The following ZNF532 variants were observed in gnomAD, a reference collection of about 807,000 sequenced individuals.
ZNF532 encodes zinc finger protein 532.
In ZNF532, 22 loss-of-function variants were observed where a neutral mutation model predicts 89.3. The ratio of observed to expected loss-of-function variants is 0.25; its 90% CI spans 0.18 to 0.35. The LOEUF (loss-of-function observed/expected upper bound fraction) is 0.35. Ranked by LOEUF, ZNF532 falls within the 10% of genes least tolerant of loss-of-function variation. The pLI, the probability that ZNF532 is intolerant of heterozygous loss-of-function variation, is 1.00. For synonymous variants in ZNF532, 606 were observed against 649.6 expected (o/e 0.93, Z 1.02); for missense variants, 1,132 against 1,643.4 (o/e 0.69, Z 5.38).
intron 2 of ZNF532, among the ~76,000 whole-genome samples, chr18:58,895,714 T>C (rs905374816): frequency 7.2e-5 from 11 of 152,062 alleles, no homozygotes; most frequent in Non-Finnish European, 1.3e-4. Flanking sequence ...AAATCGGGGC[T>C]CCCCACCCCT....
chr18:58,866,340 G>C (rs1220589241), intron 2 of ZNF532, among the ~76,000 whole-genome samples: 1 of 152,228 alleles, frequency 6.6e-6, no homozygotes, highest in African/African-American at 2.4e-5. Context: ...GAGAGGAGAG[G>C]AGAGAAGGAA....
At chr18:58,876,312 C>T (rs1480330785) in intron 2 of ZNF532, among the ~76,000 whole-genome samples, 2 of 152,134 alleles carry the variant, frequency 1.3e-5, no homozygotes, top group Non-Finnish European at 2.9e-5. Flanking sequence ...TCTAAGTAGC[C>T]TCCTGGTGCC....
intron 6 of ZNF532, among the ~76,000 whole-genome samples, chr18:58,949,409 A>G (rs2063950277): frequency 1.3e-5 from 2 of 152,214 alleles, no homozygotes; most frequent in South Asian, 4.1e-4. Flanking sequence ...TTAAAAATAC[A>G]TTATACAGGC....
Position 58,985,562 on chromosome 18 carries a change from C to A in ZNF532, c.*1096C>A, listed in dbSNP as rs1236904959. On this transcript the variant is annotated 3_prime_UTR_variant, in exon 10 of 10. Coordinates refer to ENST00000591808, the MANE Select transcript of ZNF532 (RefSeq NM_001375912.1). ...GCCTGTGTATTGCAATTGGCCGTTA[C>A]CTTAAGCACTGAGCCACCCGGGTTT... The A allele has an allele frequency of 6.6e-6, 1 of 152,542 alleles. No individual in the cohort carries two copies. Among genetic ancestry groups the A allele is most frequent in the Admixed American group, 6.5e-5 (1 of 15,272 alleles). 9.4% of individuals were successfully genotyped at this position (152,542 alleles called of 1,614,324 possible).
At chr18:58,967,191 G>T (rs972061084) in intron 7 of ZNF532, among the ~76,000 whole-genome samples, 1 of 152,102 alleles carries the variant, frequency 6.6e-6, no homozygotes, top group Non-Finnish European at 1.5e-5. Context: ...CCCAGTGGAG[G>T]GTCCCCAACA....
rs3193306 is a variant in ZNF532, at chr18:58,985,855, A to G, written c.*1389A>G. On this transcript the variant is annotated 3_prime_UTR_variant, in exon 10 of 10. Coordinates refer to ENST00000591808, the MANE Select transcript of ZNF532 (RefSeq NM_001375912.1). ...TACTGTAGTCAATGTTCGGTTCCTCAAAAGGTCTTGCTGCTGTCAGGTGTT... is the reference window on the plus strand; with the variant it reads ...TACTGTAGTCAATGTTCGGTTCCTCGAAAGGTCTTGCTGCTGTCAGGTGTT... 5.3e-5 allele frequency: 8 copies of G among 150,708 alleles called. No individual in the cohort carries two copies. Among genetic ancestry groups the G allele is most frequent in the African/African-American group, 2.0e-4 (8 of 40,774 alleles). The allele number at this position is 150,708 out of a possible 1,614,324, so 9.3% of individuals were successfully genotyped here. A position where few individuals can be genotyped will look rare whatever the true frequency, so the allele number is the denominator to read the frequency against.
At chr18:58,875,336 A>G (rs1194725173) in intron 2 of ZNF532, among the ~76,000 whole-genome samples, 2 of 152,250 alleles carry the variant, frequency 1.3e-5, no homozygotes, top group East Asian at 3.9e-4. Flanking sequence ...TTAAAATATG[A>G]CTGCTAGAAA....
chr18:58,953,890 A>T (rs963332309), intron 7 of ZNF532, 91 bp downstream of exon 7: 1 of 1,506,780 alleles, frequency 6.6e-7, no homozygotes, highest in Admixed American at 2.3e-5. Context: ...GCTTGGCTCT[A>T]TCAGTAATTA....
At chr18:58,953,840 A>C (rs760403131) in intron 7 of ZNF532, 41 bp downstream of exon 7, 2 of 1,575,188 alleles carry the variant, frequency 1.3e-6, no homozygotes, top group African/African-American at 2.7e-5. Context: ...AGTGCAAGAG[A>C]GGGCACTGGA....
rs2147121705 is a variant in ZNF532 at position 58,957,462 on chromosome 18, T to G, written c.3150+3663T>G. 1.3e-5 allele frequency among the ~76,000 whole-genome samples: 2 copies of G among 149,218 alleles called. 1 individual carries two copies. Among genetic ancestry groups the G allele is most frequent in the South Asian group, 4.3e-4 (2 of 4,678 alleles). On this transcript the variant is annotated intron_variant, in intron 7 of 9. Coordinates refer to ENST00000591808, the MANE Select transcript of ZNF532 (RefSeq NM_001375912.1). ...AAATAAAATAACTTGGGGAATAATCTAAACGTATTCTGCCAACCACAGTAC... is the reference window on the plus strand; with the variant it reads ...AAATAAAATAACTTGGGGAATAATCGAAACGTATTCTGCCAACCACAGTAC...
At chr18:58,968,418 C>G (rs1352968659) in intron 7 of ZNF532, among the ~76,000 whole-genome samples, 3 of 152,240 alleles carry the variant, frequency 2.0e-5, no homozygotes, top group Non-Finnish European at 4.4e-5. Flanking sequence ...AGTCTAGCTC[C>G]TTACCCCTCT....
chr18:58,909,025 C>T (rs1336624365), intron 2 of ZNF532, among the ~76,000 whole-genome samples: 4 of 152,140 alleles, frequency 2.6e-5, no homozygotes, highest in Non-Finnish European at 4.4e-5. Flanking sequence ...GCGATCTCGG[C>T]TCACTGCAAC....
Position 58,901,255 on chromosome 18 carries a change from C to T in ZNF532, c.-17-17016C>T, listed in dbSNP as rs983277707. Among the ~76,000 whole-genome samples the T allele has an allele frequency of 2.7e-4, 41 of 152,142 alleles. 1 individual carries two copies. Among genetic ancestry groups the T allele is most frequent in the African/African-American group, 8.9e-4 (37 of 41,436 alleles). On this transcript the variant is annotated intron_variant, in intron 2 of 9. Transcript: ENST00000591808. ...CTTCGTCTCCTCTTGGCTTCTAGCA[C>T]TTTTCTTTTTTTCTTTTTTAGAGAT... is the stretch of plus-strand genomic sequence containing the variant.
intron 7 of ZNF532, among the ~76,000 whole-genome samples, chr18:58,978,273 T>C (rs1283621277): frequency 2.6e-5 from 4 of 152,208 alleles, no homozygotes; most frequent in Non-Finnish European, 5.9e-5. Flanking sequence ...TCAAATGATA[T>C]TATTTAAAAC....
chr18:58,914,072 A>C (rs767851758), intron 2 of ZNF532, among the ~76,000 whole-genome samples: 56 of 152,244 alleles, frequency 3.7e-4, no homozygotes, highest in Non-Finnish European at 5.6e-4. Flanking sequence ...AAGTATGAGA[A>C]GTATGATTAA....
At chr18:58,893,603 C>T (rs1422080318) in intron 2 of ZNF532, among the ~76,000 whole-genome samples, 3 of 149,206 alleles carry the variant, frequency 2.0e-5, no homozygotes, top group Non-Finnish European at 4.4e-5. Context: ...ACCACAGTGA[C>T]TCGTTATCAT....
chr18:58,910,592 G>A (rs1183822456), intron 2 of ZNF532, among the ~76,000 whole-genome samples: 1 of 151,588 alleles, frequency 6.6e-6, no homozygotes, highest in Non-Finnish European at 1.5e-5. Context: ...TCAGCCTCCC[G>A]AGTAGCTGGG....
rs560739514 is a variant in ZNF532 at position 58,874,834 on chromosome 18, G to A, written c.-18+9255G>A. ...TTCTGACCCTTTCCCCCGGCACTTCGCTTCCCATGTTTGTTTGACCATGCC... is the reference window on the plus strand; with the variant it reads ...TTCTGACCCTTTCCCCCGGCACTTCACTTCCCATGTTTGTTTGACCATGCC... On this transcript the variant is annotated intron_variant, in intron 2 of 9. Coordinates refer to ENST00000591808, the MANE Select transcript of ZNF532 (RefSeq NM_001375912.1). Among the ~76,000 whole-genome samples, 18 of 152,190 alleles carry A rather than the reference G, an allele frequency of 1.2e-4. No homozygotes were observed. The South Asian group carries it at 3.3e-3, about 28-fold the overall frequency.
chr18:58,983,871 C>T, intron 9 of ZNF532, 101 bp from the exon 10 acceptor site: 2 of 1,449,868 alleles, frequency 1.4e-6, no homozygotes, highest in Non-Finnish European at 1.9e-6. Flanking sequence ...AAGCGTTCAG[C>T]ACAAGTTTTC....
Sources: allele counts gnomAD v4.1 joint callset (sites outside exome capture counted in the v4.1 genomes callset), GRCh38; gene constraint gnomAD v4.1.1; transcripts MANE v1.5; gene names NCBI Gene and HGNC (gene_info 2026-07-23, HGNC 2026-07-21).